KARS1: variants seen among roughly 807,000 people sequenced by gnomAD.
The protein encoded by KARS1 is lysyl-tRNA synthetase 1, also known as lysine--tRNA ligase.
Under a neutral mutation model 63.9 loss-of-function variants are expected in KARS1, and 50 were observed. That is an observed-to-expected ratio of 0.78 (90% CI 0.62 to 0.99). The LOEUF is 0.99. KARS1 is among the 50% of genes least tolerant of loss of function. KARS1 has a pLI of 0.00. For synonymous variants in KARS1, 320 were observed against 264.6 expected, an observed-to-expected ratio of 1.21 and a Z score of -2.03; for missense variants, 816 against 754.5, an observed-to-expected ratio of 1.08 and a Z score of -0.95.
chr16:75,646,153 C>T (rs534027255), intron 1 of KARS1, among the ~76,000 whole-genome samples: 57 of 152,286 alleles, frequency 3.7e-4, no homozygotes, highest in African/African-American at 1.3e-3. Context: ...TAATAAAGGA[C>T]AATATATTAA....
At position 75,636,533 on chromosome 16, in the gene KARS1, T is replaced by C. The variant is rs999095352; in HGVS notation, c.403A>G (p.Lys135Glu). Residue 135 changes from lysine (K) to glutamate (E), a missense_variant, in exon 4 of 14, where the codon AAA (lysine) becomes GAA (glutamate). Physicochemically the swap from Lys to Glu is moderately conservative, Grantham distance 56. Transcript: ENST00000302445. ...ATGAGCTTTCCCCCAGAAGCTCTTTTGGCATGGATCCTACCTAGAAAAAGA... is the reference window on the plus strand; with the variant it reads ...ATGAGCTTTCCCCCAGAAGCTCTTTCGGCATGGATCCTACCTAGAAAAAGA... ...TLKVAGRIHA[K>E]RASGGKLIFY... 1.2e-6 allele frequency: 2 copies of C among 1,610,266 alleles called. No homozygotes were observed. Among genetic ancestry groups the C allele is most frequent in the African/African-American group, 1.3e-5 (1 of 74,882 alleles).
intron 1 of KARS1, among the ~76,000 whole-genome samples, chr16:75,642,016 C>G (rs930781290): frequency 7.2e-5 from 11 of 151,878 alleles, no homozygotes; most frequent in African/African-American, 2.7e-4. Context: ...CAAGATGTAC[C>G]AAGACAAAGA....
chr16:75,629,377 G>C, intron 12 of KARS1, 38 bp downstream of exon 12: 5 of 1,613,044 alleles, frequency 3.1e-6, no homozygotes, highest in Non-Finnish European at 4.2e-6. Context: ...ATTTCCTGGT[G>C]AGTTGGCACA....
intron 7 of KARS1, 56 bp from the exon 8 acceptor site, chr16:75,631,911 G>C (rs935155204): frequency 1.2e-6 from 2 of 1,602,248 alleles, no homozygotes; most frequent in Non-Finnish European, 1.7e-6. Context: ...TTTTGAGATG[G>C]AGTTTTGCTC....
rs770990869 is a variant in KARS1 at position 75,631,499 on chromosome 16, G to T, written c.1169C>A (p.Pro390His). The T allele has an allele frequency of 2.5e-6, 4 of 1,614,052 alleles. No homozygotes were observed. Among genetic ancestry groups the T allele is most frequent in the Non-Finnish European group, 3.4e-6 (4 of 1,180,018 alleles). Residue 390 changes from proline to histidine, a missense_variant, in exon 9 of 14, where the codon CCC becomes CAC. Coordinates refer to ENST00000302445, the MANE Select transcript of KARS1 (RefSeq NM_005548.3). The part of the protein sequence containing the change: ...GQAYDVDFTP[P>H]FRRINMVEEL... ...TTCTACCATGTTGATTCGCCGGAAGGGTGGGGTGAAGTCAACATCGTAGGC... is the reference window on the plus strand; with the variant it reads ...TTCTACCATGTTGATTCGCCGGAAGTGTGGGGTGAAGTCAACATCGTAGGC...
intron 3 of KARS1, among the ~76,000 whole-genome samples, chr16:75,638,160 C>T (rs575696490): frequency 1.3e-5 from 2 of 151,578 alleles, no homozygotes; most frequent in South Asian, 4.2e-4. Context: ...AGAATAACAC[C>T]CCTCTAGACA....
At chr16:75,643,441 G>A (rs1032882185) in intron 1 of KARS1, among the ~76,000 whole-genome samples, 4 of 150,610 alleles carry the variant, frequency 2.7e-5, no homozygotes, top group South Asian at 2.1e-4. Context: ...GCAGTGGTGC[G>A]ATCTCAGATC....
intron 13 of KARS1, 25 bp downstream of exon 13, chr16:75,628,544 T>A: frequency 6.2e-7 from 1 of 1,612,394 alleles, no homozygotes; most frequent in Non-Finnish European, 8.5e-7. Context: ...TCAGGAAGTG[T>A]GCTCTGTGGA....
intron 7 of KARS1, 63 bp downstream of exon 7, chr16:75,634,110 C>T (rs1023941782): frequency 6.4e-7 from 1 of 1,564,074 alleles, no homozygotes; most frequent in Non-Finnish European, 8.8e-7. Flanking sequence ...CTATACCCAT[C>T]TAGCCAGTGG....
rs1311367903 is a variant in KARS1, at chr16:75,634,227, G to C, written c.861C>G (p.His287Gln). 2 of 1,613,864 alleles carry C rather than the reference G, an allele frequency of 1.2e-6. No homozygotes were observed. Among genetic ancestry groups the C allele is most frequent in the Non-Finnish European group, 1.7e-6 (2 of 1,179,846 alleles). The change falls in exon 7 of 14, where the codon CAC becomes CAG. Residue 287 changes from histidine (H) to glutamine (Q), a missense_variant. Transcript: ENST00000302445. ...TATATAAGTTCATGTCCAGCTCGTTGTGATAAGTGATGAAAGGCTTGGCCA... is the reference window on the plus strand; with the variant it reads ...TATATAAGTTCATGTCCAGCTCGTTCTGATAAGTGATGAAAGGCTTGGCCA... ...GAVAKPFITYHNELDMNLYMR... is the reference protein window; with the variant it reads ...GAVAKPFITYQNELDMNLYMR...
In KARS1 at chr16:75,636,438, G is replaced by A; in HGVS notation, c.482+16C>T. 6.6e-7 allele frequency: 1 copy of A among 1,519,120 alleles called. No homozygotes were observed. Among genetic ancestry groups the A allele is most frequent in the Non-Finnish European group, 9.1e-7 (1 of 1,093,556 alleles). 94.1% of individuals were successfully genotyped at this position (1,519,120 alleles called of 1,614,324 possible). On this transcript the variant is annotated intron_variant, in intron 4 of 13. Transcript: ENST00000302445. ...GGCCAACCAAGAAAGGTCTATAACT[G>A]GGTATTTCGAGATACCTGGAATTGG...
chr16:75,645,806 C>T (rs997798581), intron 1 of KARS1, among the ~76,000 whole-genome samples: 2 of 148,040 alleles, frequency 1.4e-5, no homozygotes, highest in African/African-American at 2.5e-5. Flanking sequence ...GAAATCGCAC[C>T]GCTGCAATCC....
At chr16:75,628,852 T>G (rs2151800287) in intron 12 of KARS1, 140 bp from the exon 13 acceptor site, 1 of 893,848 alleles carries the variant, frequency 1.1e-6, no homozygotes, top group Non-Finnish European at 1.8e-6. Context: ...GGGAATTCAT[T>G]TCCTAGTAAC....
intron 7 of KARS1, among the ~76,000 whole-genome samples, chr16:75,632,514 A>G (rs929229630): frequency 2.6e-5 from 4 of 152,204 alleles, no homozygotes; most frequent in African/African-American, 9.7e-5. Flanking sequence ...AACTACTAAC[A>G]AAAGATGTGG....
chr16:75,644,312 G>A (rs1317605197), intron 1 of KARS1: 2 of 1,605,970 alleles, frequency 1.2e-6, no homozygotes, highest in Non-Finnish European at 8.5e-7. Context: ...ACTTGTCCTT[G>A]TGAGGCGCTG....
At chr16:75,645,266 C>T (rs2082268373) in intron 1 of KARS1, among the ~76,000 whole-genome samples, 1 of 152,172 alleles carries the variant, frequency 6.6e-6, no homozygotes, top group Non-Finnish European at 1.5e-5. Flanking sequence ...GGTAAGACAA[C>T]GTGAGTAGTG....
intron 3 of KARS1, among the ~76,000 whole-genome samples, chr16:75,639,418 A>G (rs953151294): frequency 5.3e-5 from 8 of 151,762 alleles, no homozygotes. Flanking sequence ...CTAAAAATAC[A>G]AAACTTAGCC....
chr16:75,629,627 T>C (rs2082089960), intron 11 of KARS1, 86 bp from the exon 12 acceptor site: 12 of 1,415,616 alleles, frequency 8.5e-6, no homozygotes, highest in Non-Finnish European at 1.2e-5. Context: ...TGAGACGGAG[T>C]CTCGCTCTGT....
At chr16:75,635,621 AGAG>A (rs779002124) in intron 6 of KARS1, 56 bp downstream of exon 6, 2 of 1,594,472 alleles carry the variant, frequency 1.3e-6, no homozygotes, top group African/African-American at 1.3e-5. Context: ...AAGGCAAGGG[AGAG>A]GAGGAGGCAA....
Sources: allele counts gnomAD v4.1 joint callset (sites outside exome capture counted in the v4.1 genomes callset), GRCh38; gene constraint gnomAD v4.1.1; transcripts MANE v1.5; gene names NCBI Gene and HGNC (gene_info 2026-07-23, HGNC 2026-07-21).